Variants in ATP13A3 observed in about 807,000 individuals in gnomAD.
The protein encoded by ATP13A3 is polyamine-transporting ATPase 13A3.
In ATP13A3, 59 loss-of-function variants were observed where a neutral mutation model predicts 158.1. The observed-to-expected ratio is 0.37, with a 90% CI of 0.30 to 0.46. The LOEUF (loss-of-function observed/expected upper bound fraction) is 0.46. Ranked by LOEUF, ATP13A3 falls within the 20% of genes least tolerant of loss-of-function variation. The pLI, the probability that ATP13A3 is intolerant of heterozygous loss-of-function variation, is 1.00. For synonymous variants in ATP13A3, 491 were observed against 504.3 expected, an observed-to-expected ratio of 0.97 and a Z score of 0.35; for missense variants, 1,166 against 1,525.2, an observed-to-expected ratio of 0.76 and a Z score of 3.92.
At position 194,441,393 on chromosome 3, in the gene ATP13A3, G is replaced by C; in HGVS notation, c.1628C>G (p.Ala543Gly). ...AATTTTTGTAAGTGAATGACAAGTA[G>C]CCATACAAGCAACAAACTGGGATTT... ...LVKSQFVACM[A>G]TCHSLTKIEG... Residue 543 changes from alanine to glycine, a missense_variant, in exon 16 of 34, where the codon GCT becomes GGT. By Grantham distance (60) the Ala-to-Gly change is moderately conservative. This residue lies in a region of ATP13A3 where 997 missense variants were observed against 1,341.2 expected (regional missense o/e 0.74). Transcript: ENST00000645319. 6.2e-7 allele frequency: 1 copy of C among 1,613,250 alleles called. No homozygotes were observed. The highest frequency in any genetic ancestry group is 8.5e-7 in the Non-Finnish European group (1 of 1,179,310).
intron 31 of ATP13A3, among the ~76,000 whole-genome samples, chr3:194,414,313 A>C (rs1300800799): frequency 6.6e-6 from 1 of 152,090 alleles, no homozygotes; most frequent in Non-Finnish European, 1.5e-5. Context: ...AAATACAAAA[A>C]TTAGCCAGGC....
intron 30 of ATP13A3, 100 bp downstream of exon 30, chr3:194,425,242 A>C: frequency 9.0e-7 from 1 of 1,106,320 alleles, no homozygotes; most frequent in East Asian, 2.5e-5. Context: ...CTATCTGTGA[A>C]GATCTGGTTT....
intron 22 of ATP13A3, 100 bp from the exon 23 acceptor site, chr3:194,431,326 G>C (rs1404526569): frequency 5.1e-5 from 68 of 1,321,932 alleles, no homozygotes; most frequent in Non-Finnish European, 6.7e-5. Flanking sequence ...TCTTTCATTT[G>C]ATATGTTCCA....
chr3:194,433,855 A>C lies in ATP13A3; in HGVS notation c.2162T>G (p.Ile721Arg). 6.2e-7 allele frequency: 1 copy of C among 1,613,952 alleles called. No individual in the cohort carries two copies. The highest frequency in any genetic ancestry group is 8.5e-7 in the Non-Finnish European group (1 of 1,179,826). Residue 721 changes from isoleucine (I) to arginine (R), a missense_variant, in exon 21 of 34, where the codon ATA becomes AGA. Around this residue, in one of 3 missense-constraint regions of ATP13A3, gnomAD observed 997 missense variants for 1,341.2 expected, o/e 0.74. Coordinates refer to ENST00000645319, the MANE Select transcript of ATP13A3 (RefSeq NM_001367549.1). The stretch of plus-strand genomic sequence containing the variant: ...TTCTTGCTTTAATTTGTTCTGCATT[A>C]TAATTAATCCCATAAAATCCATGTT... ...ENNMDFMGLIIMQNKLKQETP... is the reference protein window; with the variant it reads ...ENNMDFMGLIRMQNKLKQETP...
intron 2 of ATP13A3, among the ~76,000 whole-genome samples, chr3:194,472,998 C>G (rs1225003146): frequency 6.6e-6 from 1 of 151,948 alleles, no homozygotes; most frequent in African/African-American, 2.4e-5. Context: ...CTGGCAATGA[C>G]TAGATGAAGG....
chr3:194,446,392 A>AGTCTGCGCGAGT (rs1560095123), intron 14 of ATP13A3, among the ~76,000 whole-genome samples: 1 of 152,194 alleles, frequency 6.6e-6, no homozygotes, highest in African/African-American at 2.4e-5. Context: ...AAATGGTCCC[A>AGTCTGCGCGAGT]GTCTGCGCGA....
chr3:194,436,801 CT>C (rs1171072013), intron 20 of ATP13A3, among the ~76,000 whole-genome samples: 1 of 152,126 alleles, frequency 6.6e-6, no homozygotes, highest in African/African-American at 2.4e-5. Context: ...TGACCCGAGA[CT>C]TGCGCCACTG....
Position 194,431,186 on chromosome 3 carries a change from A to T in ATP13A3, c.2462T>A (p.Leu821His). ...TGCAAAATGATAACGAGTCATTTGA[A>T]GATCCTCTAAGCTATCATGGACCAA... ...VKLVHDSLED[L>H]QMTRYHFAMN... Residue 821 changes from leucine (L) to histidine (H), a missense_variant, in exon 23 of 34, where the codon CTT (leucine) becomes CAT (histidine). Transcript: ENST00000645319. The T allele has an allele frequency of 6.2e-7, 1 of 1,613,706 alleles. No homozygotes were observed. Among genetic ancestry groups the T allele is most frequent in the Non-Finnish European group, 8.5e-7 (1 of 1,179,618 alleles).
chr3:194,409,521 G>A (rs1455531261), intron 33 of ATP13A3, among the ~76,000 whole-genome samples: 6 of 151,968 alleles, frequency 3.9e-5, no homozygotes, highest in African/African-American at 9.7e-5. Context: ...CACAAGCTAG[G>A]CACAAATGCT....
chr3:194,410,973 T>G (rs1190492641), intron 33 of ATP13A3, among the ~76,000 whole-genome samples: 2 of 149,622 alleles, frequency 1.3e-5, no homozygotes, highest in Non-Finnish European at 3.0e-5. Context: ...TGTGTGTGTA[T>G]ACACAGATGA....
chr3:194,446,237 C>T (rs980517641), intron 14 of ATP13A3, among the ~76,000 whole-genome samples: 7 of 152,088 alleles, frequency 4.6e-5, no homozygotes, highest in Non-Finnish European at 8.8e-5. Flanking sequence ...CGATGGGTGC[C>T]AGTGGTGGGG....
chr3:194,431,652 T>C (rs923384639), intron 22 of ATP13A3, 65 bp downstream of exon 22: 24 of 1,408,704 alleles, frequency 1.7e-5, no homozygotes, highest in Non-Finnish European at 2.2e-5. Flanking sequence ...GCACCACTTT[T>C]TTTATTTTTT....
chr3:194,444,911 T>C, intron 14 of ATP13A3, 125 bp from the exon 15 acceptor site: 1 of 659,696 alleles, frequency 1.5e-6, no homozygotes, highest in Non-Finnish European at 2.5e-6. Context: ...AATGGAGTTC[T>C]ACAGAGTTAA....
At position 194,454,273 on chromosome 3, in the gene ATP13A3, T is replaced by C. The variant is rs1719036627; in HGVS notation, c.750A>G (p.Leu250=). The C allele has an allele frequency of 1.2e-6, 2 of 1,604,654 alleles. No individual in the cohort carries two copies. Among genetic ancestry groups the C allele is most frequent in the Non-Finnish European group, 8.5e-7 (1 of 1,173,996 alleles). ...TTGAACTTACCTTTCTAATGGAATATAGTGAGCTTACGATTGATACTATGG... is the reference window on the plus strand; with the variant it reads ...TTGAACTTACCTTTCTAATGGAATACAGTGAGCTTACGATTGATACTATGG... ...VMSIVSIVSS[L]YSIRKQYVML... Residue 250 remains leucine, a synonymous_variant, in exon 9 of 34, where the codon CTA becomes CTG. Transcript: ENST00000645319.
intron 33 of ATP13A3, among the ~76,000 whole-genome samples, chr3:194,408,354 T>TACCACAGGAA (rs911914638): frequency 6.6e-6 from 1 of 152,156 alleles, no homozygotes; most frequent in African/African-American, 2.4e-5. Flanking sequence ...ACTGTTAGAT[T>TACCACAGGAA]ACCACAGGAA....
At chr3:194,460,094 C>T (rs1719540394) in intron 4 of ATP13A3, 123 bp from the exon 5 acceptor site, 3 of 755,162 alleles carry the variant, frequency 4.0e-6, no homozygotes, top group Admixed American at 3.1e-5. Flanking sequence ...AACATCACGC[C>T]TACTCACTAA....
At chr3:194,437,246 T>C in intron 19 of ATP13A3, 31 bp from the exon 20 acceptor site, 1 of 1,613,860 alleles carries the variant, frequency 6.2e-7, no homozygotes. Context: ...ATTTCATTGT[T>C]AGAGTTGCTA....
chr3:194,443,325 T>C (rs1718178113), intron 15 of ATP13A3, among the ~76,000 whole-genome samples: 1 of 152,026 alleles, frequency 6.6e-6, no homozygotes. Context: ...TAAATATTGA[T>C]AATGTAAGAA....
rs1198667108 is a variant in ATP13A3, at chr3:194,438,921, G to A, written c.1762C>T (p.Pro588Ser). 2 of 1,609,754 alleles carry A rather than the reference G, an allele frequency of 1.2e-6. No homozygotes were observed. The highest frequency in any genetic ancestry group is 1.7e-6 in the Non-Finnish European group (2 of 1,177,966). Residue 588 changes from proline to serine, a missense_variant, in exon 17 of 34, where the codon CCC (proline) becomes TCC (serine). Around this residue, in one of 3 missense-constraint regions of ATP13A3, gnomAD observed 997 missense variants for 1,341.2 expected, o/e 0.74. Transcript: ENST00000645319. The stretch of plus-strand genomic sequence containing the variant: ...TGTTTGGGAGGACGAACCACTGTGG[G>A]CATAATTCGATTATGAAGTGCTGTT... ...EETALHNRIM[P>S]TVVRPPKQLL... is the part of the protein sequence containing the mutation.
Sources: gnomAD v4.1 joint callset for allele counts (sites outside exome capture counted in the v4.1 genomes callset) on GRCh38, gnomAD v4.1.1 for gene constraint, gnomAD v4.1.1 regional missense constraint, MANE v1.5 for transcripts, NCBI Gene and HGNC (gene_info 2026-07-23, HGNC 2026-07-21) for gene names.